The following INPP4B variants were observed in gnomAD, a reference collection of about 807,000 sequenced individuals.
INPP4B encodes the protein inositol polyphosphate-4-phosphatase type II B, also known as inositol polyphosphate 4-phosphatase type II.
Under a neutral mutation model 122.5 loss-of-function variants are expected in INPP4B, and 55 were observed. The observed-to-expected ratio is 0.45, with a 90% CI of 0.36 to 0.56. The LOEUF (loss-of-function observed/expected upper bound fraction) is 0.56, where lower values mean the gene tolerates loss of function less well. INPP4B is among the 20% of genes least tolerant of loss of function. INPP4B has a pLI of 0.00. For synonymous variants in INPP4B, 403 were observed against 388.7 expected (o/e 1.04, Z -0.43); for missense variants, 1,000 against 1,097.7 (o/e 0.91, Z 1.26).
chr4:142,832,753 T>C (rs1782303866), intron 1 of INPP4B, among the ~76,000 whole-genome samples: 1 of 148,286 alleles, frequency 6.7e-6, no homozygotes, highest in African/African-American at 2.7e-5. Flanking sequence ...TATCACAGTC[T>C]CTACTCCCCC....
intron 2 of INPP4B, among the ~76,000 whole-genome samples, chr4:142,588,610 A>T (rs1232705344): frequency 1.3e-5 from 2 of 150,690 alleles, no homozygotes; most frequent in Non-Finnish European, 3.0e-5. Flanking sequence ...ATTCCAAAAA[A>T]TGAAATAAGA....
At chr4:142,411,549 G>T (rs902564974) in intron 5 of INPP4B, among the ~76,000 whole-genome samples, 1 of 152,066 alleles carries the variant, frequency 6.6e-6, no homozygotes, top group Non-Finnish European at 1.5e-5. Flanking sequence ...AGAGCAAAAA[G>T]GGCCAGAGTA....
At chr4:142,785,621 C>T (rs1365603761) in intron 1 of INPP4B, among the ~76,000 whole-genome samples, 1 of 151,728 alleles carries the variant, frequency 6.6e-6, no homozygotes, top group African/African-American at 2.4e-5. Context: ...ATAGCAACTT[C>T]CAAAACCAAA....
At chr4:142,090,510 T>C (rs549364687) in intron 23 of INPP4B, among the ~76,000 whole-genome samples, 1 of 152,174 alleles carries the variant, frequency 6.6e-6, no homozygotes, top group African/African-American at 2.4e-5. Flanking sequence ...GGTTTCAAGA[T>C]GTAATGATAG....
rs986909688 is a variant in INPP4B, at chr4:142,070,858, C to A, written c.2642+11173G>T. Among the ~76,000 whole-genome samples the A allele has an allele frequency of 1.6e-4, 24 of 152,146 alleles. 1 individual carries two copies. The highest frequency in any genetic ancestry group is 1.5e-3 in the Admixed American group (23 of 15,260). ...AAGAGGACACAAGCAAATGGAAGAA[C>A]ATTCCATGCTCATGGATAGGAAGAA... On this transcript the variant is annotated intron_variant, in intron 25 of 25. Coordinates refer to ENST00000262992, the MANE Select transcript of INPP4B (RefSeq NM_001101669.3).
At chr4:142,057,085 T>C (rs1758095927) in intron 25 of INPP4B, among the ~76,000 whole-genome samples, 1 of 151,432 alleles carries the variant, frequency 6.6e-6, no homozygotes, top group African/African-American at 2.4e-5. Context: ...CTGTTTGTGA[T>C]GGCAGCGTAC....
At chr4:142,702,678 C>A (rs1014934764) in intron 2 of INPP4B, among the ~76,000 whole-genome samples, 10 of 143,080 alleles carry the variant, frequency 7.0e-5, no homozygotes, top group African/African-American at 2.7e-4. Flanking sequence ...TGCGGTGAGC[C>A]GAGATCACGC....
intron 7 of INPP4B, among the ~76,000 whole-genome samples, chr4:142,334,522 A>C (rs1441043403): frequency 6.6e-6 from 1 of 151,806 alleles, no homozygotes; most frequent in African/African-American, 2.4e-5. Flanking sequence ...TTTTTGAGGA[A>C]CCCCCATACT....
At chr4:142,788,673 G>A (rs536591872) in intron 1 of INPP4B, among the ~76,000 whole-genome samples, 23 of 151,980 alleles carry the variant, frequency 1.5e-4, no homozygotes, top group African/African-American at 4.3e-4. Flanking sequence ...TTGTTCCCTC[G>A]CATGCTCATA....
chr4:142,809,234 T>C (rs559208252), intron 1 of INPP4B, among the ~76,000 whole-genome samples: 2 of 152,250 alleles, frequency 1.3e-5, no homozygotes, highest in South Asian at 4.1e-4. Context: ...TTATTTTTTA[T>C]TTCTGTGGGT....
chr4:142,057,337 G>C (rs923381262), intron 25 of INPP4B, among the ~76,000 whole-genome samples: 1 of 152,004 alleles, frequency 6.6e-6, no homozygotes, highest in Non-Finnish European at 1.5e-5. Flanking sequence ...CTATAATCAA[G>C]TTCTTTATTG....
chr4:142,608,875 C>A (rs190056007), intron 2 of INPP4B, among the ~76,000 whole-genome samples: 23 of 152,282 alleles, frequency 1.5e-4, no homozygotes, highest in Non-Finnish European at 2.5e-4. Context: ...CTGTTCCCAT[C>A]ATGCTTCCTC....
chr4:142,184,682 A>G (rs1832402623), intron 15 of INPP4B, among the ~76,000 whole-genome samples: 4 of 152,152 alleles, frequency 2.6e-5, no homozygotes, highest in African/African-American at 9.7e-5. Flanking sequence ...GTCTAGAGGG[A>G]TTTTGTACAC....
intron 2 of INPP4B, among the ~76,000 whole-genome samples, chr4:142,486,610 T>C (rs1821227142): frequency 6.6e-6 from 1 of 152,178 alleles, no homozygotes; most frequent in East Asian, 1.9e-4. Flanking sequence ...AAGTTTTTTA[T>C]ATATAGAAAC....
intron 23 of INPP4B, among the ~76,000 whole-genome samples, chr4:142,102,630 G>A (rs967628518): frequency 6.6e-6 from 1 of 151,912 alleles, no homozygotes; most frequent in Non-Finnish European, 1.5e-5. Flanking sequence ...GTGACCTTTT[G>A]CTGGAATTCT....
intron 1 of INPP4B, among the ~76,000 whole-genome samples, chr4:142,829,474 C>T (rs1477016980): frequency 6.6e-6 from 1 of 152,094 alleles, no homozygotes; most frequent in African/African-American, 2.4e-5. Flanking sequence ...ACAAAGCCTC[C>T]CTTCTTCTTA....
At chr4:142,461,994 C>T (rs1023742211) in intron 3 of INPP4B, among the ~76,000 whole-genome samples, 2 of 152,116 alleles carry the variant, frequency 1.3e-5, no homozygotes, top group Non-Finnish European at 2.9e-5. Context: ...ATTTTCAACC[C>T]GGCTTCATTT....
At chr4:142,429,496 A>G (rs1238293200) in intron 4 of INPP4B, among the ~76,000 whole-genome samples, 3 of 152,092 alleles carry the variant, frequency 2.0e-5, no homozygotes, top group Admixed American at 2.0e-4. Flanking sequence ...AACATAAAAC[A>G]TATTTCACAA....
chr4:142,482,610 T>C (rs1008966792), intron 2 of INPP4B, among the ~76,000 whole-genome samples: 62 of 152,174 alleles, frequency 4.1e-4, no homozygotes, highest in African/African-American at 1.5e-3. Context: ...CTCTTTTCTC[T>C]AAGAGACACT....
Sources: allele counts gnomAD v4.1 joint callset (sites outside exome capture counted in the v4.1 genomes callset), GRCh38; gene constraint gnomAD v4.1.1; transcripts MANE v1.5; gene names NCBI Gene and HGNC (gene_info 2026-07-23, HGNC 2026-07-21).